PDE11A: variants seen among roughly 807,000 people sequenced by gnomAD.
PDE11A encodes dual 3',5'-cyclic-AMP and -GMP phosphodiesterase 11A.
A neutral mutation model predicts 100.5 loss-of-function variants in PDE11A; 100 were observed. The ratio of observed to expected loss-of-function variants is 1.00; its 90% CI spans 0.85 to 1.18. The LOEUF is 1.18. PDE11A is among the 50% of genes most tolerant of loss of function. The pLI is 0.00. For synonymous variants in PDE11A, 381 were observed against 420.8 expected (o/e 0.91, Z 1.16); for missense variants, 1,141 against 1,152.6 (o/e 0.99, Z 0.15).
chr2:177,998,181 T>A, intron 2 of PDE11A: 1 of 892,848 alleles, frequency 1.1e-6, no homozygotes, highest in Non-Finnish European at 1.9e-6. Context: ...ACCCAGACAG[T>A]AATTCATGAA....
intron 19 of PDE11A, among the ~76,000 whole-genome samples, chr2:177,635,081 C>T (rs1405718): frequency 0.61 from 93,513 of 152,092 alleles, 32,591 homozygotes; most frequent in Non-Finnish European, 0.75. Context: ...CCGTTGAAAC[C>T]CTTTCAGAGG....
intron 19 of PDE11A, among the ~76,000 whole-genome samples, chr2:177,638,421 T>G (rs1280717203): frequency 6.6e-6 from 1 of 152,204 alleles, no homozygotes; most frequent in Non-Finnish European, 1.5e-5. Context: ...CTGAAATATC[T>G]AAGTATAATA....
intron 3 of PDE11A, 101 bp downstream of exon 3, chr2:177,904,997 T>A: frequency 1.3e-6 from 1 of 762,436 alleles, no homozygotes; most frequent in Non-Finnish European, 2.4e-6. Flanking sequence ...ATTCCTGTAC[T>A]ATTCAAAGAT....
chr2:177,760,767 TG>T (rs1259779339), intron 10 of PDE11A, among the ~76,000 whole-genome samples: 2 of 152,222 alleles, frequency 1.3e-5, no homozygotes, highest in Non-Finnish European at 2.9e-5. Context: ...AGGGCAGATC[TG>T]GCTACAGAGA....
At chr2:177,990,537 A>T (rs1211448962) in intron 2 of PDE11A, among the ~76,000 whole-genome samples, 2 of 151,940 alleles carry the variant, frequency 1.3e-5, no homozygotes, top group East Asian at 3.9e-4. Flanking sequence ...CAGGAATTCA[A>T]GACCAGCCTG....
chr2:177,844,745 C>A (rs554909504), intron 5 of PDE11A, among the ~76,000 whole-genome samples: 1 of 150,800 alleles, frequency 6.6e-6, no homozygotes, highest in Non-Finnish European at 1.5e-5. Context: ...TGACTCTTAA[C>A]GAGCATGCTG....
chr2:177,897,917 C>T (rs1208721221), intron 4 of PDE11A, 141 bp downstream of exon 4: 3 of 703,330 alleles, frequency 4.3e-6, no homozygotes, highest in Admixed American at 2.4e-5. Context: ...AAATAAAAAA[C>T]TTGTTTGATG....
intron 5 of PDE11A, 103 bp downstream of exon 5, chr2:177,875,756 T>C: frequency 1.3e-6 from 1 of 785,714 alleles, no homozygotes; most frequent in Non-Finnish European, 2.3e-6. Context: ...TTGGTTGTGC[T>C]TGCTAATATA....
At chr2:177,854,304 TA>T (rs1353442064) in intron 5 of PDE11A, among the ~76,000 whole-genome samples, 3 of 152,046 alleles carry the variant, frequency 2.0e-5, no homozygotes, top group Non-Finnish European at 4.4e-5. Context: ...TGAGTCTTCA[TA>T]TTCAATGCCA....
intron 9 of PDE11A, among the ~76,000 whole-genome samples, chr2:177,803,306 C>G (rs1274292019): frequency 2.1e-5 from 3 of 145,138 alleles, no homozygotes; most frequent in Non-Finnish European, 4.5e-5. Context: ...AAAAAATCTC[C>G]TAACAACAAC....
chr2:177,788,846 T>A (rs1407428128), intron 9 of PDE11A, among the ~76,000 whole-genome samples: 1 of 152,052 alleles, frequency 6.6e-6, no homozygotes, highest in Non-Finnish European at 1.5e-5. Flanking sequence ...CAGGAAGAAG[T>A]TGAATCTCTG....
chr2:177,802,235 T>G (rs568225754), intron 9 of PDE11A, among the ~76,000 whole-genome samples: 2 of 152,208 alleles, frequency 1.3e-5, no homozygotes, highest in East Asian at 3.9e-4. Context: ...GCAGAACAAC[T>G]AAGACTTTCA....
intron 12 of PDE11A, among the ~76,000 whole-genome samples, chr2:177,712,761 T>A (rs556087156): frequency 8.2e-4 from 125 of 152,278 alleles, no homozygotes; most frequent in Non-Finnish European, 1.6e-3. Context: ...ATCGAAGGCC[T>A]TTATATCTCC....
rs558328767 is a variant in PDE11A, at chr2:178,018,243, T to A, written c.913-3783A>T. The A allele has an allele frequency of 1.0e-4, 43 of 414,728 alleles. 2 individuals carry two copies. Among genetic ancestry groups the A allele is most frequent in the South Asian group, 8.6e-4 (40 of 46,650 alleles). The allele number at this position is 414,728 out of a possible 1,614,324, so 25.7% of individuals were successfully genotyped here. ...TCCTGCTTCCAGCTGCTGCTTTGAA[T>A]CCTTGCTCTGCGATGGACTACTCCC... On this transcript the variant is annotated intron_variant, in intron 1 of 19. Transcript: ENST00000286063.
At chr2:178,023,934 A>C (rs958074108) in intron 1 of PDE11A, among the ~76,000 whole-genome samples, 1 of 152,196 alleles carries the variant, frequency 6.6e-6, no homozygotes, top group Admixed American at 6.5e-5. Flanking sequence ...ATACATAGGA[A>C]TAGAACAGAG....
intron 9 of PDE11A, among the ~76,000 whole-genome samples, chr2:177,810,824 T>C (rs1295234847): frequency 6.6e-6 from 1 of 151,728 alleles, no homozygotes; most frequent in South Asian, 2.1e-4. Flanking sequence ...AATTGTCCAG[T>C]GCAGAGGTAA....
chr2:177,882,162 G>A (rs1004410518), intron 4 of PDE11A, among the ~76,000 whole-genome samples: 26 of 152,142 alleles, frequency 1.7e-4, no homozygotes, highest in East Asian at 1.9e-4. Context: ...CCACTTTCAC[G>A]CTCACAAGTG....
intron 2 of PDE11A, among the ~76,000 whole-genome samples, chr2:178,013,966 C>A (rs1483914820): frequency 1.3e-5 from 2 of 152,054 alleles, no homozygotes; most frequent in Non-Finnish European, 2.9e-5. Context: ...CAGCAATCTT[C>A]CTATATTTTC....
At chr2:177,945,432 C>A (rs1449327888) in intron 2 of PDE11A, among the ~76,000 whole-genome samples, 3 of 138,344 alleles carry the variant, frequency 2.2e-5, no homozygotes, top group Non-Finnish European at 4.8e-5. Context: ...TCTGCCCGGC[C>A]GCCCATCGTC....
Sources: gnomAD v4.1 joint callset for allele counts (sites outside exome capture counted in the v4.1 genomes callset) on GRCh38, gnomAD v4.1.1 for gene constraint, MANE v1.5 for transcripts, NCBI Gene and HGNC (gene_info 2026-07-23, HGNC 2026-07-21) for gene names.